ANKRD17: variants seen among roughly 807,000 people sequenced by gnomAD.
ANKRD17 encodes the protein ankyrin repeat domain 17, also known as ankyrin repeat domain-containing protein 17.
Under a neutral mutation model 229.7 loss-of-function variants are expected in ANKRD17, and 19 were observed. The ratio of observed to expected loss-of-function variants is 0.08; its 90% CI spans 0.06 to 0.12. The LOEUF is 0.12. Ranked by LOEUF, ANKRD17 falls within the 10% of genes least tolerant of loss-of-function variation. The pLI is 1.00. For missense variants in ANKRD17, 2,176 were observed against 3,176.8 expected, an observed-to-expected ratio of 0.68 and a Z score of 7.57; for synonymous variants, 1,112 against 1,146.1, an observed-to-expected ratio of 0.97 and a Z score of 0.60.
intron 1 of ANKRD17, among the ~76,000 whole-genome samples, chr4:73,200,917 G>C (rs1345913627): frequency 8.3e-6 from 1 of 120,696 alleles, no homozygotes; most frequent in Non-Finnish European, 1.6e-5. Context: ...TCCAACAAAG[G>C]CTGAACTTAG....
At chr4:73,125,745 A>AAAG (rs1553918528) in intron 16 of ANKRD17, among the ~76,000 whole-genome samples, 1 of 144,474 alleles carries the variant, frequency 6.9e-6, no homozygotes, top group East Asian at 2.0e-4. Context: ...AAAAAAAAAA[A>AAAG]AAAAGAAAAG....
At chr4:73,234,010 A>G (rs1366658907) in intron 1 of ANKRD17, among the ~76,000 whole-genome samples, 3 of 151,794 alleles carry the variant, frequency 2.0e-5, no homozygotes, top group Non-Finnish European at 4.4e-5. Flanking sequence ...TCTACAGCTC[A>G]GGAAATTTTC....
intron 25 of ANKRD17, among the ~76,000 whole-genome samples, chr4:73,099,776 G>A (rs1466112467): frequency 2.0e-5 from 3 of 152,196 alleles, no homozygotes; most frequent in Admixed American, 6.5e-5. Context: ...TTTGGCTACA[G>A]GAAGGCAGGA....
chr4:73,092,371 T>C (rs1414688166), intron 28 of ANKRD17, 71 bp from the exon 29 acceptor site: 7 of 1,234,480 alleles, frequency 5.7e-6, no homozygotes, highest in Non-Finnish European at 7.9e-6. Flanking sequence ...TTTTAATATG[T>C]ATTTATGTAC....
chr4:73,135,264 T>G lies in ANKRD17; in HGVS notation c.3087A>C (p.Ala1029=). 2 of 1,609,676 alleles carry G rather than the reference T, an allele frequency of 1.2e-6. No homozygotes were observed. Among genetic ancestry groups the G allele is most frequent in the Non-Finnish European group, 1.7e-6 (2 of 1,177,428 alleles). Residue 1029 remains alanine (A), a splice_region_variant and synonymous_variant, in exon 16 of 34, where the codon GCA becomes GCC. Transcript: ENST00000358602. ...LNDTLDDIMA[A]VSGRASAMSN... is the part of the protein sequence containing the mutation. Reference sequence around the variant, plus strand: ...ACATTGCAGATGCTCTTCCACTGACTGCTGTTGAACAAAATAACTGCACTT... The same window carrying G: ...ACATTGCAGATGCTCTTCCACTGACGGCTGTTGAACAAAATAACTGCACTT...
intron 16 of ANKRD17, among the ~76,000 whole-genome samples, chr4:73,126,516 A>T (rs1356012702): frequency 6.6e-6 from 1 of 152,186 alleles, no homozygotes; most frequent in Non-Finnish European, 1.5e-5. Flanking sequence ...TTGAGAACAA[A>T]GCCCCAAAAT....
chr4:73,150,509 A>T (rs1022573304), intron 7 of ANKRD17, among the ~76,000 whole-genome samples: 1 of 152,206 alleles, frequency 6.6e-6, no homozygotes, highest in African/African-American at 2.4e-5. Flanking sequence ...TTTACAGATG[A>T]AGAACTCAAA....
At chr4:73,225,684 C>A (rs1000376248) in intron 1 of ANKRD17, among the ~76,000 whole-genome samples, 4 of 151,656 alleles carry the variant, frequency 2.6e-5, no homozygotes, top group Non-Finnish European at 2.9e-5. Flanking sequence ...CATGGTGAAA[C>A]CCTGTCTCTA....
intron 1 of ANKRD17, among the ~76,000 whole-genome samples, chr4:73,238,382 A>G (rs571987741): frequency 6.6e-6 from 1 of 152,316 alleles, no homozygotes; most frequent in South Asian, 2.1e-4. Context: ...CACTTACTGT[A>G]AGAGGTAATC....
intron 28 of ANKRD17, among the ~76,000 whole-genome samples, chr4:73,093,130 T>C (rs533850739): frequency 1.5e-4 from 23 of 152,300 alleles, no homozygotes; most frequent in African/African-American, 5.5e-4. Flanking sequence ...ATGTAACTAT[T>C]AGCTCTCCTA....
intron 1 of ANKRD17, chr4:73,222,955 C>T: frequency 6.6e-7 from 1 of 1,515,060 alleles, no homozygotes; most frequent in African/African-American, 1.4e-5. Flanking sequence ...TTTCATTTCA[C>T]TTACAAACCT....
At chr4:73,135,573 C>T (rs533940335) in intron 15 of ANKRD17, among the ~76,000 whole-genome samples, 1 of 152,160 alleles carries the variant, frequency 6.6e-6, no homozygotes, top group African/African-American at 2.4e-5. Flanking sequence ...AATATAAATG[C>T]AAATGGAAAC....
At chr4:73,250,046 G>C (rs1475348988) in intron 1 of ANKRD17, among the ~76,000 whole-genome samples, 1 of 152,098 alleles carries the variant, frequency 6.6e-6, no homozygotes, top group Non-Finnish European at 1.5e-5. Context: ...ATTTTGTGCA[G>C]ATGTAGCATA....
At chr4:73,177,338 T>G (rs1266201895) in intron 2 of ANKRD17, 42 bp downstream of exon 2, 3 of 1,425,530 alleles carry the variant, frequency 2.1e-6, no homozygotes, top group African/African-American at 2.9e-5. Flanking sequence ...GATGTGCAAC[T>G]TTACATAACA....
intron 2 of ANKRD17, among the ~76,000 whole-genome samples, chr4:73,166,596 A>G (rs929087528): frequency 6.6e-6 from 1 of 152,216 alleles, no homozygotes; most frequent in Non-Finnish European, 1.5e-5. Flanking sequence ...TATGTGATAC[A>G]TAAGGAAACA....
intron 1 of ANKRD17, among the ~76,000 whole-genome samples, chr4:73,186,349 T>TA (rs1736289572): frequency 6.6e-6 from 1 of 152,078 alleles, no homozygotes; most frequent in Non-Finnish European, 1.5e-5. Flanking sequence ...AAAACCCACT[T>TA]AAAGAAATAA....
At chr4:73,198,665 G>A (rs1400567238) in intron 1 of ANKRD17, among the ~76,000 whole-genome samples, 1 of 152,080 alleles carries the variant, frequency 6.6e-6, no homozygotes, top group East Asian at 1.9e-4. Context: ...AAAATTAAAA[G>A]ATAACTTACT....
intron 2 of ANKRD17, among the ~76,000 whole-genome samples, chr4:73,161,556 T>C (rs1732528532): frequency 6.6e-6 from 1 of 152,260 alleles, no homozygotes; most frequent in African/African-American, 2.4e-5. Flanking sequence ...TCATAGGTAC[T>C]TGATCCTGTG....
chr4:73,188,015 C>T (rs1736525308), intron 1 of ANKRD17, among the ~76,000 whole-genome samples: 1 of 152,104 alleles, frequency 6.6e-6, no homozygotes, highest in Non-Finnish European at 1.5e-5. Flanking sequence ...TAGTATATCA[C>T]AAACAGAGAA....
Sources: allele counts gnomAD v4.1 joint callset (sites outside exome capture counted in the v4.1 genomes callset), GRCh38; gene constraint gnomAD v4.1.1; transcripts MANE v1.5; gene names NCBI Gene and HGNC (gene_info 2026-07-23, HGNC 2026-07-21).